The following HYDIN variants were observed in gnomAD, a reference collection of about 807,000 sequenced individuals.
The protein encoded by HYDIN is axonemal central pair apparatus protein HYDIN.
HYDIN carries 132 observed loss-of-function variants against 403.9 expected under a neutral mutation model. The ratio of observed to expected loss-of-function variants is 0.33; its 90% CI spans 0.28 to 0.38. HYDIN has a LOEUF of 0.38. HYDIN is among the 10% of genes least tolerant of loss of function. HYDIN has a pLI of 1.00. For missense variants in HYDIN, 2,827 were observed against 5,009.5 expected (o/e 0.56, Z 13.15); for synonymous variants, 1,202 against 1,891.7 (o/e 0.64, Z 9.46).
chr16:70,893,196 C>T (rs2041579063), intron 55 of HYDIN, among the ~76,000 whole-genome samples: 1 of 152,230 alleles, frequency 6.6e-6, no homozygotes, highest in African/African-American at 2.4e-5. Flanking sequence ...AACAAACCCT[C>T]TATCACCTGT....
At chr16:70,937,138 ATGTG>A (rs141908902) in intron 44 of HYDIN, among the ~76,000 whole-genome samples, 1 of 146,054 alleles carries the variant, frequency 6.8e-6, no homozygotes, top group Non-Finnish European at 1.5e-5. Flanking sequence ...GTGTGTGTGC[ATGTG>A]TGTGTGTGTG....
intron 18 of HYDIN, among the ~76,000 whole-genome samples, chr16:71,034,087 C>T (rs879878302): frequency 3.4e-4 from 52 of 151,450 alleles, no homozygotes; most frequent in Non-Finnish European, 6.2e-4. Flanking sequence ...CTTCGTGAAG[C>T]TCCCTGAGTT....
chr16:70,944,041 C>A, intron 41 of HYDIN, 92 bp from the exon 42 acceptor site: 1 of 909,946 alleles, frequency 1.1e-6, no homozygotes, highest in South Asian at 1.5e-5. Flanking sequence ...GGGAAGATCA[C>A]ATAATCTGTC....
At chr16:70,905,625 C>A (rs2076512720) in intron 50 of HYDIN, among the ~76,000 whole-genome samples, 2 of 102,792 alleles carry the variant, frequency 1.9e-5, no homozygotes, top group Non-Finnish European at 3.9e-5. Flanking sequence ...GGAGTAAGAC[C>A]CTATCTTAAA....
At chr16:71,197,679 T>A (rs1394783187) in intron 1 of HYDIN, among the ~76,000 whole-genome samples, 2 of 152,146 alleles carry the variant, frequency 1.3e-5, no homozygotes, top group Admixed American at 1.3e-4. Context: ...CCGTAGACGC[T>A]CTCTCCCCAT....
intron 20 of HYDIN, chr16:71,027,387 G>T: frequency 7.0e-7 from 1 of 1,438,458 alleles, no homozygotes. Flanking sequence ...CCTCCTTTAA[G>T]ATTGGGTTCA....
chr16:71,110,570 A>G (rs1285137977), intron 10 of HYDIN, among the ~76,000 whole-genome samples: 3 of 149,342 alleles, frequency 2.0e-5, no homozygotes, highest in Non-Finnish European at 4.5e-5. Context: ...ATGAATATGT[A>G]GGTGGCAAAA....
intron 1 of HYDIN, among the ~76,000 whole-genome samples, chr16:71,202,419 T>A (rs929611550): frequency 6.6e-6 from 1 of 152,204 alleles, no homozygotes; most frequent in African/African-American, 2.4e-5. Flanking sequence ...GATGCAACCA[T>A]CAAATCAATG....
chr16:70,860,012 C>T (rs2039305178), intron 71 of HYDIN, 56 bp downstream of exon 71: 2 of 1,536,758 alleles, frequency 1.3e-6, no homozygotes, highest in Non-Finnish European at 1.8e-6. Context: ...ACTTTCCACA[C>T]AGCAATGGCT....
At chr16:71,212,031 A>C (rs1262172539) in intron 1 of HYDIN, among the ~76,000 whole-genome samples, 1 of 152,194 alleles carries the variant, frequency 6.6e-6, no homozygotes, top group Admixed American at 6.5e-5. Context: ...AATCAAAAAA[A>C]GTCGAAGGGC....
chr16:70,859,592 C>G (rs1324767380), intron 71 of HYDIN, among the ~76,000 whole-genome samples: 3 of 152,156 alleles, frequency 2.0e-5, no homozygotes, highest in Non-Finnish European at 4.4e-5. Context: ...TTTTGGCCAG[C>G]AAGTCTGTAT....
intron 7 of HYDIN, among the ~76,000 whole-genome samples, chr16:71,139,669 G>A (rs1427132396): frequency 6.6e-6 from 1 of 151,574 alleles, no homozygotes; most frequent in Admixed American, 6.6e-5. Context: ...TAGTGAAATG[G>A]GAGGTAGTTC....
chr16:71,199,792 A>T (rs1009295827), intron 1 of HYDIN, among the ~76,000 whole-genome samples: 28 of 152,294 alleles, frequency 1.8e-4, no homozygotes, highest in East Asian at 7.7e-4. Flanking sequence ...AATTTTTTTA[A>T]AAAAATTTGA....
At chr16:70,923,577 C>T (rs1324346661) in intron 45 of HYDIN, among the ~76,000 whole-genome samples, 15 of 113,468 alleles carry the variant, frequency 1.3e-4, no homozygotes, top group South Asian at 6.5e-4. Flanking sequence ...CCGAGGTGGG[C>T]GGATCACGAG....
At chr16:70,885,773 T>C (rs377409387) in intron 58 of HYDIN, among the ~76,000 whole-genome samples, 2 of 152,214 alleles carry the variant, frequency 1.3e-5, no homozygotes, top group African/African-American at 4.8e-5. Flanking sequence ...ATGAGAGTTA[T>C]AGAAACATAT....
intron 8 of HYDIN, among the ~76,000 whole-genome samples, chr16:71,136,766 CAAAAAAAAAAAAAACA>C (rs1231337938): frequency 3.0e-5 from 3 of 101,398 alleles, no homozygotes; most frequent in African/African-American, 1.0e-4. Context: ...GACTCCATCT[CAAAAAAAAAAAAAACA>C]AAAAAAACAA....
At chr16:71,109,437 T>C (rs1206733687) in intron 10 of HYDIN, among the ~76,000 whole-genome samples, 1 of 137,434 alleles carries the variant, frequency 7.3e-6, no homozygotes, top group African/African-American at 3.6e-5. Flanking sequence ...GCCACGTTTA[T>C]CTTAAAGCAA....
chr16:71,083,824 C>T (rs1167984902), intron 12 of HYDIN, among the ~76,000 whole-genome samples: 1 of 142,360 alleles, frequency 7.0e-6, no homozygotes, highest in African/African-American at 2.6e-5. Context: ...ATATGCTACC[C>T]GCTCTTTAGT....
intron 65 of HYDIN, among the ~76,000 whole-genome samples, chr16:70,871,658 T>C (rs529616511): frequency 9.2e-4 from 139 of 150,500 alleles, no homozygotes; most frequent in Non-Finnish European, 1.5e-3. Flanking sequence ...ACAGAACCCA[T>C]CACCCCCATT....
Sources: allele counts gnomAD v4.1 joint callset (sites outside exome capture counted in the v4.1 genomes callset), GRCh38; gene constraint gnomAD v4.1.1; transcripts MANE v1.5; gene names NCBI Gene and HGNC (gene_info 2026-07-23, HGNC 2026-07-21).